The following ASPHD2 variants were observed in gnomAD, a reference collection of about 807,000 sequenced individuals.
ASPHD2 encodes the protein aspartate beta-hydroxylase domain containing 2.
In ASPHD2, 12 loss-of-function variants were observed where a neutral mutation model predicts 34.6. That is an observed-to-expected ratio of 0.35 (90% CI 0.22 to 0.56). The LOEUF is 0.56. Among genes scored for constraint, ASPHD2 ranks in the 20% least tolerant of loss-of-function variants. The pLI is 0.87. For missense variants in ASPHD2, 375 were observed against 505.0 expected (o/e 0.74, Z 2.47); for synonymous variants, 224 against 212.2 (o/e 1.06, Z -0.48).
At position 26,443,619 on chromosome 22, in the gene ASPHD2, TA is replaced by T. The variant is rs35059406; in HGVS notation, c.*431del. The T allele has an allele frequency of 5.0e-3, 650 of 129,940 alleles. 3 individuals carry two copies. The highest frequency in any genetic ancestry group is 0.011 in the African/African-American group (376 of 34,890). The allele number at this position is 129,940 out of a possible 1,614,324, so 8.0% of individuals were successfully genotyped here. A position where few individuals can be genotyped will look rare whatever the true frequency, so the allele number is the denominator to read the frequency against. On this transcript the variant is annotated 3_prime_UTR_variant, in exon 4 of 4. Transcript: ENST00000215906. ...AATGTAAAACTTCTTGTGGTCATCT[TA>T]AAAAAAAAAAAAAAAAACTAAAAAC... is the stretch of plus-strand genomic sequence containing the variant.
chr22:26,441,633 T>C (rs977455427), intron 2 of ASPHD2, among the ~76,000 whole-genome samples: 18 of 147,112 alleles, frequency 1.2e-4, no homozygotes. Flanking sequence ...CTATTAAAAA[T>C]ACAAAAATTC....
intron 2 of ASPHD2, among the ~76,000 whole-genome samples, chr22:26,437,939 A>G (rs1037790709): frequency 5.3e-5 from 8 of 152,176 alleles, no homozygotes; most frequent in African/African-American, 1.9e-4. Context: ...TGATCTGTTT[A>G]GGGAAGAATT....
At position 26,434,451 on chromosome 22, in the gene ASPHD2, T is replaced by G; in HGVS notation, c.836T>G (p.Val279Gly). 6.2e-7 allele frequency: 1 copy of G among 1,612,532 alleles called. No homozygotes were observed. The highest frequency in any genetic ancestry group is 2.2e-5 in the East Asian group (1 of 44,818). The change falls in exon 2 of 4, where the codon GTG becomes GGG. Residue 279 changes from valine to glycine, a missense_variant. Physicochemically the swap from Val to Gly is moderately radical, Grantham distance 109. Around this residue, in one of 3 missense-constraint regions of ASPHD2, gnomAD observed 142 missense variants for 217.9 expected, o/e 0.65. Transcript: ENST00000215906. ...ACISVLSPGT[V>G]ITEHYGPTNI... ...ATCTCTGTGCTGAGCCCTGGGACTG[T>G]GATAACGGAGCACTATGGACCCACC...
At chr22:26,434,842 TTTTAA>T (rs985875347) in intron 2 of ASPHD2, among the ~76,000 whole-genome samples, 1 of 152,202 alleles carries the variant, frequency 6.6e-6, no homozygotes, top group African/African-American at 2.4e-5. Context: ...AGGAACTAAA[TTTTAA>T]TTTAATTTAA....
chr22:26,435,271 A>G (rs952915973), intron 2 of ASPHD2, among the ~76,000 whole-genome samples: 3 of 152,228 alleles, frequency 2.0e-5, no homozygotes, highest in African/African-American at 4.8e-5. Context: ...TATTGTATGT[A>G]TGCACACAGA....
chr22:26,436,408 T>C (rs544500520), intron 2 of ASPHD2, among the ~76,000 whole-genome samples: 1 of 152,292 alleles, frequency 6.6e-6, no homozygotes, highest in Non-Finnish European at 1.5e-5. Context: ...CAAGCCTCAC[T>C]TGGCTGCAGA....
At chr22:26,442,667 T>A in intron 3 of ASPHD2, 95 bp downstream of exon 3, 1 of 966,372 alleles carries the variant, frequency 1.0e-6, no homozygotes, top group Non-Finnish European at 1.5e-6. Flanking sequence ...AGGCAGAAAG[T>A]ACCAAGGAGG....
chr22:26,437,086 C>T (rs1220397685), intron 2 of ASPHD2, among the ~76,000 whole-genome samples: 2 of 152,170 alleles, frequency 1.3e-5, no homozygotes, highest in Non-Finnish European at 2.9e-5. Context: ...CTATCATGCC[C>T]ACATTAATAT....
At chr22:26,436,789 G>C (rs1477471392) in intron 2 of ASPHD2, among the ~76,000 whole-genome samples, 1 of 152,124 alleles carries the variant, frequency 6.6e-6, no homozygotes, top group African/African-American at 2.4e-5. Context: ...GGAAAATCTG[G>C]GGTTTGCTTT....
intron 2 of ASPHD2, among the ~76,000 whole-genome samples, chr22:26,436,110 G>A (rs2146129378): frequency 6.6e-6 from 1 of 152,308 alleles, no homozygotes; most frequent in African/African-American, 2.4e-5. Flanking sequence ...CCTGCCCCCA[G>A]GAAACAGTGG....
chr22:26,443,055 G>T, intron 3 of ASPHD2, 42 bp from the exon 4 acceptor site: 1 of 1,458,928 alleles, frequency 6.9e-7, no homozygotes, highest in Non-Finnish European at 9.6e-7. Context: ...CCTGACTCCA[G>T]GGTGGTTTGA....
At chr22:26,430,869 C>A in intron 1 of ASPHD2, among the ~76,000 whole-genome samples, 1 of 152,118 alleles carries the variant, frequency 6.6e-6, no homozygotes. Flanking sequence ...TACAGCTCAG[C>A]CTTAGGGAGG....
At position 26,433,981 on chromosome 22, in the gene ASPHD2, C is replaced by G; in HGVS notation, c.366C>G (p.Leu122=). 6.2e-7 allele frequency: 1 copy of G among 1,613,454 alleles called. No individual in the cohort carries two copies. The highest frequency in any genetic ancestry group is 1.1e-5 in the South Asian group (1 of 91,070). ...TGCGCTGCACCCACAACGAGGGCCT[C>G]AACCAGAAGCTGTACCACAACCTGC... The part of the protein sequence containing the change: ...ECVRCTHNEG[L]NQKLYHNLQE... The change falls in exon 2 of 4, where the codon CTC becomes CTG. Residue 122 remains leucine, a synonymous_variant. Transcript: ENST00000215906. This position sits in a 1 kb window ranked among gnomAD's most constrained non-coding sequence, Gnocchi z 5.1.
rs369061698 is a variant in ASPHD2, at chr22:26,433,761, G to T, written c.146G>T (p.Gly49Val). The T allele has an allele frequency of 1.2e-6, 2 of 1,613,708 alleles. No individual in the cohort carries two copies. Among genetic ancestry groups the T allele is most frequent in the Non-Finnish European group, 8.5e-7 (1 of 1,180,036 alleles). Residue 49 changes from glycine to valine, a missense_variant, in exon 2 of 4, where the codon GGC becomes GTC. Physicochemically the swap from Gly to Val is moderately radical, Grantham distance 109. Around this residue, in one of 3 missense-constraint regions of ASPHD2, gnomAD observed 223 missense variants for 257.8 expected, o/e 0.87. Transcript: ENST00000215906. This position sits in a 1 kb window ranked among gnomAD's most constrained non-coding sequence, Gnocchi z 5.1. The part of the protein sequence containing the change: ...LDGLRDCIAT[G>V]IQSVRDCDTT... ...GGCCTGAGGGACTGCATCGCCACCG[G>T]CATCCAGTCCGTGCGGGACTGCGAC...
chr22:26,436,106 C>T (rs1297544211), intron 2 of ASPHD2, among the ~76,000 whole-genome samples: 2 of 152,180 alleles, frequency 1.3e-5, no homozygotes, highest in Non-Finnish European at 2.9e-5. Flanking sequence ...AGACCCTGCC[C>T]CCAGGAAACA....
chr22:26,435,480 C>T (rs1025114755), intron 2 of ASPHD2, among the ~76,000 whole-genome samples: 2 of 152,172 alleles, frequency 1.3e-5, no homozygotes, highest in Non-Finnish European at 2.9e-5. Flanking sequence ...AAGTTCACAA[C>T]GCTGCTTCAG....
At position 26,434,111 on chromosome 22, in the gene ASPHD2, G is replaced by A. The variant is rs760645670; in HGVS notation, c.496G>A (p.Glu166Lys). The A allele has an allele frequency of 5.0e-6, 8 of 1,612,656 alleles. No individual in the cohort carries two copies. The highest frequency in any genetic ancestry group is 4.5e-5 in the East Asian group (2 of 44,872). The change falls in exon 2 of 4, where the codon GAG becomes AAG. Residue 166 changes from glutamate to lysine, a missense_variant. By Grantham distance (56) the Glu-to-Lys change is moderately conservative. Coordinates refer to ENST00000215906, the MANE Select transcript of ASPHD2 (RefSeq NM_020437.5). The stretch of plus-strand genomic sequence containing the variant: ...CAGCCGGCCCTCCATCCAGAAGCCC[G>A]AGGTCTTCTTCCTGCCCGACCTGCC... Reference protein sequence around the residue: ...LNSRPSIQKPEVFFLPDLPTT... With the variant: ...LNSRPSIQKPKVFFLPDLPTT...
intron 2 of ASPHD2, among the ~76,000 whole-genome samples, chr22:26,439,434 C>T (rs996649721): frequency 3.9e-5 from 6 of 152,180 alleles, no homozygotes; most frequent in African/African-American, 1.2e-4. Context: ...AAATCGAAAA[C>T]TCCACAATCA....
rs2084777081 is a variant in ASPHD2 at position 26,434,283 on chromosome 22, C to T, written c.668C>T (p.Thr223Ile). 6.2e-7 allele frequency: 1 copy of T among 1,614,094 alleles called. No individual in the cohort carries two copies. The highest frequency in any genetic ancestry group is 1.3e-5 in the African/African-American group (1 of 74,930). ...SLPQGWKMNS[T>I]PSGEWFTFYL... ...CCGCAAGGATGGAAAATGAACAGCACCCCCAGCGGGGAGTGGTTCACCTTT... is the reference window on the plus strand; with the variant it reads ...CCGCAAGGATGGAAAATGAACAGCATCCCCAGCGGGGAGTGGTTCACCTTT... The change falls in exon 2 of 4, where the codon ACC becomes ATC. Residue 223 changes from threonine (T) to isoleucine (I), a missense_variant. Thr to Ile is a moderately conservative substitution (Grantham distance 89, BLOSUM62 -1). Transcript: ENST00000215906.
Sources: allele counts gnomAD v4.1 joint callset (sites outside exome capture counted in the v4.1 genomes callset), GRCh38; gene constraint gnomAD v4.1.1; regional missense constraint gnomAD v4.1.1; non-coding constraint Gnocchi (gnomAD v3.1); transcripts MANE v1.5; gene names NCBI Gene and HGNC (gene_info 2026-07-23, HGNC 2026-07-21).